The following NOVA1 variants were observed in gnomAD, a reference collection of about 807,000 sequenced individuals.
The protein encoded by NOVA1 is RNA-binding protein Nova-1.
A neutral mutation model predicts 38.0 loss-of-function variants in NOVA1; 7 were observed. The ratio of observed to expected loss-of-function variants is 0.18; its 90% CI spans 0.10 to 0.35. The LOEUF (loss-of-function observed/expected upper bound fraction) is 0.35. NOVA1 is among the 10% of genes least tolerant of loss of function. The pLI, the probability that NOVA1 is intolerant of heterozygous loss-of-function variation, is 1.00. For synonymous variants in NOVA1, 270 were observed against 232.5 expected (o/e 1.16, Z -1.47); for missense variants, 460 against 616.0 (o/e 0.75, Z 2.68).
At chr14:26,459,858 T>C (rs896642610) in intron 4 of NOVA1, among the ~76,000 whole-genome samples, 33 of 152,028 alleles carry the variant, frequency 2.2e-4, no homozygotes, top group Non-Finnish European at 3.4e-4. Context: ...TAAGGAAAAC[T>C]TTCACAATTT....
chr14:26,566,935 C>A (rs185134929), intron 2 of NOVA1, among the ~76,000 whole-genome samples: 2 of 152,218 alleles, frequency 1.3e-5, no homozygotes, highest in Non-Finnish European at 2.9e-5. Flanking sequence ...TCCCCCTCCC[C>A]TGCAAAAAGC....
In NOVA1 at chr14:26,511,703, G is replaced by C. The variant is rs533017115; in HGVS notation, c.281-31560C>G. ...GGAGGCAGAGGTTGCACTAAGCCGA[G>C]ATAGCGCCACTGCACTCCAGCCTGG... On this transcript the variant is annotated intron_variant, in intron 2 of 4. Transcript: ENST00000539517. 2.6e-5 allele frequency among the ~76,000 whole-genome samples: 4 copies of C among 151,938 alleles called. No individual in the cohort carries two copies. In the East Asian group the frequency reaches 7.7e-4, roughly 29 times the overall value.
At chr14:26,524,238 T>C (rs990328139) in intron 2 of NOVA1, among the ~76,000 whole-genome samples, 1 of 152,128 alleles carries the variant, frequency 6.6e-6, no homozygotes, top group Non-Finnish European at 1.5e-5. Context: ...TAGAACAGGA[T>C]GGAAGCCAAC....
At chr14:26,554,786 G>A (rs1056365062) in intron 2 of NOVA1, among the ~76,000 whole-genome samples, 1 of 152,106 alleles carries the variant, frequency 6.6e-6, no homozygotes, top group Non-Finnish European at 1.5e-5. Context: ...ATGAATACTA[G>A]GCTGAATACC....
intron 2 of NOVA1, among the ~76,000 whole-genome samples, chr14:26,531,513 A>T (rs1400175489): frequency 6.6e-6 from 1 of 152,154 alleles, no homozygotes; most frequent in Non-Finnish European, 1.5e-5. Flanking sequence ...AGGCTGAGAC[A>T]GGAGAATTGC....
At chr14:26,472,572 GATGC>G (rs1486285199) in intron 3 of NOVA1, among the ~76,000 whole-genome samples, 181 bp from the exon 4 acceptor site, 1 of 152,092 alleles carries the variant, frequency 6.6e-6, no homozygotes, top group African/African-American at 2.4e-5. Context: ...TGCATGTAAA[GATGC>G]ATGCATAAGC....
At position 26,597,817 on chromosome 14, in the gene NOVA1, G is replaced by A; in HGVS notation, c.-381C>T. 1 of 405,694 alleles carries A rather than the reference G, an allele frequency of 2.5e-6. No individual in the cohort carries two copies. The highest frequency in any genetic ancestry group is 3.4e-6 in the Non-Finnish European group (1 of 296,900). 25.1% of individuals were successfully genotyped at this position (405,694 alleles called of 1,614,324 possible). A position where few individuals can be genotyped will look rare whatever the true frequency, so the allele number is the denominator to read the frequency against. ...ACAGGCAGAGGGAGTGGGAGAGCGC[G>A]AGGGCTGGCGGGGCGCGGGGAGAAG... On this transcript the variant is annotated 5_prime_UTR_variant, in exon 1 of 5. Coordinates refer to ENST00000539517, the MANE Select transcript of NOVA1 (RefSeq NM_002515.3).
In NOVA1 at chr14:26,448,444, C is replaced by T; in HGVS notation, c.1039G>A (p.Ala347Thr). 1.2e-6 allele frequency: 2 copies of T among 1,612,254 alleles called. No homozygotes were observed. Among genetic ancestry groups the T allele is most frequent in the Non-Finnish European group, 8.5e-7 (1 of 1,179,622 alleles). ...GCTGGGTTGGCACTGGCAGCTGCTG[C>T]AGCCAAAGCCCCTGTTGCTGCTGCT... Reference protein sequence around the residue: ...SQAAATGALAAAAASANPAAA... With the variant: ...SQAAATGALATAAASANPAAA... Residue 347 changes from alanine to threonine, a missense_variant, in exon 5 of 5, where the codon GCA becomes ACA. Physicochemically the swap from Ala to Thr is moderately conservative, Grantham distance 58 (BLOSUM62 0). Coordinates refer to ENST00000539517, the MANE Select transcript of NOVA1 (RefSeq NM_002515.3). The surrounding 1 kb of genome is among the most constrained non-coding windows in gnomAD (Gnocchi z 5.3).
chr14:26,514,463 CAT>C (rs1237606303), intron 2 of NOVA1, among the ~76,000 whole-genome samples: 3 of 151,658 alleles, frequency 2.0e-5, no homozygotes, highest in Admixed American at 6.6e-5. Flanking sequence ...AATTCCTCAA[CAT>C]AGAGGCATTA....
At chr14:26,540,663 G>A (rs1185200957) in intron 2 of NOVA1, among the ~76,000 whole-genome samples, 1 of 152,082 alleles carries the variant, frequency 6.6e-6, no homozygotes, top group East Asian at 1.9e-4. Flanking sequence ...GTACTTTCCT[G>A]GTGGTAACAC....
chr14:26,523,468 A>G (rs1204404416), intron 2 of NOVA1, among the ~76,000 whole-genome samples: 2 of 152,198 alleles, frequency 1.3e-5, no homozygotes, highest in African/African-American at 4.8e-5. Context: ...ATGTACTGCT[A>G]ATAACACGTA....
intron 2 of NOVA1, among the ~76,000 whole-genome samples, chr14:26,585,694 C>A (rs1893473203): frequency 6.6e-6 from 1 of 151,048 alleles, no homozygotes; most frequent in African/African-American, 2.4e-5. Flanking sequence ...ACTCATATTG[C>A]TTAAGTTATT....
intron 3 of NOVA1, 77 bp downstream of exon 3, chr14:26,479,900 C>G (rs1885314248): frequency 1.4e-6 from 2 of 1,462,170 alleles, no homozygotes; most frequent in East Asian, 2.3e-5. Context: ...TTTATGCTAA[C>G]ACTTTAAGGC....
chr14:26,524,525 A>G (rs1020421768), intron 2 of NOVA1, among the ~76,000 whole-genome samples: 1 of 152,144 alleles, frequency 6.6e-6, no homozygotes, highest in Non-Finnish European at 1.5e-5. Context: ...CATATTTTAG[A>G]TCTGTCACAT....
At position 26,447,374 on chromosome 14, in the gene NOVA1, T is replaced by C. The variant is rs1198399528; in HGVS notation, c.*585A>G. 3 of 153,868 alleles carry C rather than the reference T, an allele frequency of 1.9e-5. No homozygotes were observed. The highest frequency in any genetic ancestry group is 7.2e-5 in the African/African-American group (3 of 41,470). The allele number at this position is 153,868 out of a possible 1,614,324, so 9.5% of individuals were successfully genotyped here. ...GATGGAGAACAGGTGCTTTTATTGA[T>C]CTGTAAACTTACCAATATAATTTTC... On this transcript the variant is annotated 3_prime_UTR_variant, in exon 5 of 5. Coordinates refer to ENST00000539517, the MANE Select transcript of NOVA1 (RefSeq NM_002515.3).
chr14:26,571,556 A>G (rs1366222646), intron 2 of NOVA1, among the ~76,000 whole-genome samples: 2 of 152,200 alleles, frequency 1.3e-5, no homozygotes, highest in African/African-American at 4.8e-5. Flanking sequence ...TGTCCACAAG[A>G]GCGAGGAGGC....
chr14:26,582,975 T>C (rs1594579235), intron 2 of NOVA1, among the ~76,000 whole-genome samples: 1 of 151,800 alleles, frequency 6.6e-6, no homozygotes, highest in East Asian at 1.9e-4. Flanking sequence ...GGTGTTCGTA[T>C]GCAGAGACAT....
intron 2 of NOVA1, among the ~76,000 whole-genome samples, chr14:26,544,827 C>A (rs923495242): frequency 6.6e-6 from 1 of 151,786 alleles, no homozygotes; most frequent in African/African-American, 2.4e-5. Context: ...CAGAATGGAA[C>A]TGCATGTAAA....
chr14:26,512,937 C>T (rs1004648398), intron 2 of NOVA1, among the ~76,000 whole-genome samples: 1 of 151,860 alleles, frequency 6.6e-6, no homozygotes, highest in African/African-American at 2.4e-5. Flanking sequence ...CTGTTACCTG[C>T]AATTAATTTT....
Sources: gnomAD v4.1 joint callset for allele counts (sites outside exome capture counted in the v4.1 genomes callset) on GRCh38, gnomAD v4.1.1 for gene constraint, Gnocchi (gnomAD v3.1) non-coding constraint, MANE v1.5 for transcripts, NCBI Gene and HGNC (gene_info 2026-07-23, HGNC 2026-07-21) for gene names.